The following GALNTL6 variants were observed in gnomAD, a reference collection of about 807,000 sequenced individuals.
GALNTL6 encodes the protein polypeptide N-acetylgalactosaminyltransferase like 6, also known as polypeptide N-acetylgalactosaminyltransferase-like 6.
Under a neutral mutation model 73.7 loss-of-function variants are expected in GALNTL6, and 46 were observed. The observed-to-expected ratio is 0.62, with a 90% confidence interval of 0.49 to 0.80. The LOEUF is 0.80. Ranked by LOEUF, GALNTL6 falls within the 30% of genes least tolerant of loss-of-function variation. The pLI is 0.00. For synonymous variants in GALNTL6, 259 were observed against 263.7 expected, an observed-to-expected ratio of 0.98 and a Z score of 0.17; for missense variants, 604 against 755.0, an observed-to-expected ratio of 0.80 and a Z score of 2.34.
intron 2 of GALNTL6, among the ~76,000 whole-genome samples, chr4:172,046,577 A>T (rs1376121945): frequency 6.6e-6 from 1 of 152,124 alleles, no homozygotes; most frequent in African/African-American, 2.4e-5. Flanking sequence ...CAGGTGTGAG[A>T]TGATCTCTCT....
intron 5 of GALNTL6, among the ~76,000 whole-genome samples, chr4:172,502,810 G>A (rs1734308514): frequency 6.6e-6 from 1 of 152,168 alleles, no homozygotes; most frequent in African/African-American, 2.4e-5. Flanking sequence ...TCAGGCAGAG[G>A]TTAAGTCACT....
intron 3 of GALNTL6, among the ~76,000 whole-genome samples, chr4:172,251,412 G>A (rs973959944): frequency 1.3e-5 from 2 of 151,948 alleles, no homozygotes; most frequent in African/African-American, 4.8e-5. Context: ...TTAGCACTCG[G>A]GTTCAGCCAA....
rs542089692 is a variant in GALNTL6 at position 172,304,058 on chromosome 4, T to C, written c.248-7556T>C. ...ATGCTCCTAGATTATTAAAATATGT[T>C]TTAAATCACAATATTCTGGGTTTTT... On this transcript the variant is annotated intron_variant, in intron 3 of 12. Coordinates refer to ENST00000506823, the MANE Select transcript of GALNTL6 (RefSeq NM_001034845.3). Among the ~76,000 whole-genome samples the C allele has an allele frequency of 4.1e-5, 5 of 122,436 alleles. No homozygotes were observed. The South Asian group carries it at 1.2e-3, about 30-fold the overall frequency. 80.3% of individuals were successfully genotyped at this position (122,436 alleles called of 152,430 possible). A position where few individuals can be genotyped will look rare whatever the true frequency, so the allele number is the denominator to read the frequency against.
At chr4:172,083,195 T>C (rs1731932416) in intron 2 of GALNTL6, among the ~76,000 whole-genome samples, 1 of 152,194 alleles carries the variant, frequency 6.6e-6, no homozygotes, top group African/African-American at 2.4e-5. Flanking sequence ...CTATCTTGTC[T>C]AAGACTTTCT....
chr4:172,865,322 C>T (rs1475573379), intron 7 of GALNTL6, among the ~76,000 whole-genome samples: 1 of 152,194 alleles, frequency 6.6e-6, no homozygotes, highest in Non-Finnish European at 1.5e-5. Flanking sequence ...AAGATAAACG[C>T]TGTTTGTTCA....
intron 2 of GALNTL6, among the ~76,000 whole-genome samples, chr4:171,929,876 C>T (rs1026741307): frequency 5.9e-5 from 9 of 152,216 alleles, no homozygotes; most frequent in Admixed American, 5.9e-4. Flanking sequence ...CGAGACAGAG[C>T]TGTCTGGTCC....
chr4:172,311,760 T>C lies in GALNTL6; in HGVS notation c.386+8T>C. 6.5e-7 allele frequency: 1 copy of C among 1,542,906 alleles called. No homozygotes were observed. Among genetic ancestry groups the C allele is most frequent in the Non-Finnish European group, 8.8e-7 (1 of 1,141,024 alleles). On this transcript the variant is annotated splice_region_variant and intron_variant, in intron 4 of 12. Transcript: ENST00000506823. ...AGATATTCGTCATGCTAAGTGAGTA[T>C]CAGCATATCAGTGATCAGGGTGGGT...
chr4:172,249,739 G>A (rs1737789618), intron 3 of GALNTL6, among the ~76,000 whole-genome samples: 1 of 152,220 alleles, frequency 6.6e-6, no homozygotes, highest in Admixed American at 6.5e-5. Context: ...AGCCTTGCCA[G>A]CTTCCAGGTC....
At chr4:172,586,714 A>G (rs1023368007) in intron 5 of GALNTL6, among the ~76,000 whole-genome samples, 11 of 152,224 alleles carry the variant, frequency 7.2e-5, no homozygotes, top group African/African-American at 2.2e-4. Context: ...TTAAGTTTTA[A>G]TGATTGTTTT....
intron 3 of GALNTL6, among the ~76,000 whole-genome samples, chr4:172,264,553 CAAATATATATATAT>C (rs1426306512): frequency 5.0e-4 from 13 of 25,812 alleles, no homozygotes; most frequent in African/African-American, 1.0e-3. Flanking sequence ...TAATATATGC[CAAATATATATATAT>C]ATATATATAT....
intron 3 of GALNTL6, among the ~76,000 whole-genome samples, chr4:172,243,266 A>G (rs563497990): frequency 1.3e-5 from 2 of 152,186 alleles, no homozygotes; most frequent in Non-Finnish European, 2.9e-5. Flanking sequence ...ACCAGATCAT[A>G]TGTCCCCAGT....
At position 172,085,421 on chromosome 4, in the gene GALNTL6, T is replaced by C. The variant is rs367854199; in HGVS notation, c.139-144235T>C. Among the ~76,000 whole-genome samples, 13 of 152,172 alleles carry C rather than the reference T, an allele frequency of 8.5e-5. No individual in the cohort carries two copies. In the South Asian group the frequency reaches 1.7e-3, roughly 19 times the overall value. On this transcript the variant is annotated intron_variant, in intron 2 of 12. Coordinates refer to ENST00000506823, the MANE Select transcript of GALNTL6 (RefSeq NM_001034845.3). ...ATGAAATACATTACAGGCATGGTGG[T>C]TCATGCCTGTAATCCTAGCACTTTC...
intron 2 of GALNTL6, among the ~76,000 whole-genome samples, chr4:171,988,726 G>T (rs564002890): frequency 6.6e-6 from 1 of 152,286 alleles, no homozygotes; most frequent in African/African-American, 2.4e-5. Flanking sequence ...TGTAACAGGT[G>T]AGTGATAACA....
chr4:172,692,878 G>A (rs1352286398), intron 5 of GALNTL6, among the ~76,000 whole-genome samples: 1 of 152,142 alleles, frequency 6.6e-6, no homozygotes, highest in African/African-American at 2.4e-5. Context: ...TTGAGACCAT[G>A]CTCATTGGTA....
At chr4:172,405,443 ATTTTTTTTTTTTT>A (rs201198149) in intron 5 of GALNTL6, among the ~76,000 whole-genome samples, 34 of 7,862 alleles carry the variant, frequency 4.3e-3, no homozygotes, top group African/African-American at 0.028. Context: ...ATATATATAT[ATTTTTTTTTTTTT>A]TTTTTTTTTT....
intron 2 of GALNTL6, among the ~76,000 whole-genome samples, chr4:172,143,045 T>A (rs1472782739): frequency 6.6e-6 from 1 of 152,016 alleles, no homozygotes; most frequent in African/African-American, 2.4e-5. Context: ...TCAATTCATT[T>A]AACAAGCATT....
At chr4:172,710,932 T>A (rs761348375) in intron 5 of GALNTL6, among the ~76,000 whole-genome samples, 6 of 152,150 alleles carry the variant, frequency 3.9e-5, no homozygotes, top group Admixed American at 6.6e-5. Flanking sequence ...TGAGCTCCCA[T>A]TGTATGCCAG....
chr4:172,518,441 C>A (rs936409905), intron 5 of GALNTL6, among the ~76,000 whole-genome samples: 1 of 151,900 alleles, frequency 6.6e-6, no homozygotes, highest in Non-Finnish European at 1.5e-5. Flanking sequence ...TGTACTAGAA[C>A]TGTTACATAT....
intron 2 of GALNTL6, among the ~76,000 whole-genome samples, chr4:172,177,817 G>GTATATATATACACAAACATATA (rs1248713220): frequency 7.6e-6 from 1 of 132,170 alleles, no homozygotes; most frequent in Non-Finnish European, 1.6e-5. Flanking sequence ...ATATATGTGT[G>GTATATATATACACAAACATATA]TGTATATATA....
Sources: gnomAD v4.1 joint callset for allele counts (sites outside exome capture counted in the v4.1 genomes callset) on GRCh38, gnomAD v4.1.1 for gene constraint, MANE v1.5 for transcripts, NCBI Gene and HGNC (gene_info 2026-07-23, HGNC 2026-07-21) for gene names.